The following CADM4 variants were observed in gnomAD, a reference collection of about 807,000 sequenced individuals.
CADM4 encodes the protein cell adhesion molecule 4.
Under a neutral mutation model 43.9 loss-of-function variants are expected in CADM4, and 13 were observed. The ratio of observed to expected loss-of-function variants is 0.30; its 90% confidence interval spans 0.19 to 0.47. The LOEUF (loss-of-function observed/expected upper bound fraction) is 0.47, where lower values mean the gene tolerates loss of function less well. Among genes scored for constraint, CADM4 ranks in the 20% least tolerant of loss-of-function variants. The probability of loss-of-function intolerance (pLI) is 1.00; values close to 1 mark genes in which losing one functional copy is unlikely to be tolerated. For synonymous variants in CADM4, 209 were observed against 220.9 expected (o/e 0.95, Z 0.48); for missense variants, 420 against 527.0 (o/e 0.80, Z 1.99).
In CADM4 at chr19:43,625,937, C is replaced by A; in HGVS notation, c.729G>T (p.Leu243Phe). The A allele has an allele frequency of 6.2e-7, 1 of 1,614,176 alleles. No homozygotes were observed. The highest frequency in any genetic ancestry group is 1.1e-5 in the South Asian group (1 of 91,072). The stretch of plus-strand genomic sequence containing the variant: ...TGGGGTTCCCCGTGACAGCACACGT[C>A]AACACCAGCGTGTCTCCCTCCCTCA... ...AVVREGDTLVLTCAVTGNPRP... is the reference protein window; with the variant it reads ...AVVREGDTLVFTCAVTGNPRP... Residue 243 changes from leucine to phenylalanine, a missense_variant, in exon 6 of 9, where the codon TTG (leucine) becomes TTT (phenylalanine). Coordinates refer to ENST00000222374, the MANE Select transcript of CADM4 (RefSeq NM_145296.2). The surrounding 1 kb of genome is among the most constrained non-coding windows in gnomAD (Gnocchi z 4.5).
chr19:43,627,381 C>A lies in CADM4; in HGVS notation c.212-63G>T. 2.0e-6 allele frequency: 3 copies of A among 1,501,638 alleles called. No individual in the cohort carries two copies. The highest frequency in any genetic ancestry group is 1.8e-4 in the Middle Eastern group (1 of 5,532). 93.0% of individuals were successfully genotyped at this position (1,501,638 alleles called of 1,614,324 possible). A position where few individuals can be genotyped will look rare whatever the true frequency, so the allele number is the denominator to read the frequency against. The stretch of plus-strand genomic sequence containing the variant: ...TCCTGGCCTCACAAGTCCCACCCTT[C>A]CGACAGGAGCTTAGAGTCCAGCCCT... On this transcript the variant is annotated intron_variant, in intron 2 of 8. Coordinates refer to ENST00000222374, the MANE Select transcript of CADM4 (RefSeq NM_145296.2). This position sits in a 1 kb window ranked among gnomAD's most constrained non-coding sequence, Gnocchi z 4.0.
At chr19:43,631,555 C>A (rs57817750) in intron 1 of CADM4, among the ~76,000 whole-genome samples, 1 of 152,078 alleles carries the variant, frequency 6.6e-6, no homozygotes, top group Non-Finnish European at 1.5e-5. Context: ...CTATGTCCAG[C>A]AGAAAAAGGC....
Position 43,625,037 on chromosome 19 carries a change from C to CG in CADM4, c.928+40dup. ...CTCAAGCCCCGCCCCCGCCACCTGG[C>CG]GCCCCGCCCCCGCCCTCAGTCGGCC... On this transcript the variant is annotated intron_variant, in intron 7 of 8. Coordinates refer to ENST00000222374, the MANE Select transcript of CADM4 (RefSeq NM_145296.2). This position sits in a 1 kb window ranked among gnomAD's most constrained non-coding sequence, Gnocchi z 4.5. The CG allele has an allele frequency of 8.5e-6, 6 of 702,654 alleles. No homozygotes were observed. Among genetic ancestry groups the CG allele is most frequent in the Non-Finnish European group, 1.2e-5 (6 of 499,564 alleles). 43.5% of individuals were successfully genotyped at this position (702,654 alleles called of 1,614,324 possible). A position where few individuals can be genotyped will look rare whatever the true frequency, so the allele number is the denominator to read the frequency against.
Position 43,625,137 on chromosome 19 carries a change from G to C in CADM4, c.869C>G (p.Thr290Ser). The change falls in exon 7 of 9, where the codon ACT (threonine) becomes AGT (serine). Residue 290 changes from threonine to serine, a missense_variant. Physicochemically the swap from Thr to Ser is moderately conservative, Grantham distance 58. Transcript: ENST00000222374. This position sits in a 1 kb window ranked among gnomAD's most constrained non-coding sequence, Gnocchi z 4.5. Reference protein sequence around the residue: ...GLVSADNGTYTCEASNKHGHA... With the variant: ...GLVSADNGTYSCEASNKHGHA... ...GCCGTGCTTATTGGACGCCTCGCAAGTGTAGGTGCCGTTATCCGCGGATAC... is the reference window on the plus strand; with the variant it reads ...GCCGTGCTTATTGGACGCCTCGCAACTGTAGGTGCCGTTATCCGCGGATAC... 6.2e-7 allele frequency: 1 copy of C among 1,613,756 alleles called. No individual in the cohort carries two copies. The highest frequency in any genetic ancestry group is 8.5e-7 in the Non-Finnish European group (1 of 1,179,836).
chr19:43,639,392 C>T (rs969554504), intron 1 of CADM4, among the ~76,000 whole-genome samples: 1 of 150,664 alleles, frequency 6.6e-6, no homozygotes, highest in South Asian at 2.1e-4. Flanking sequence ...GGTTCAGAGA[C>T]GGGCGGACAG....
At chr19:43,624,326 C>G (rs919078948) in intron 7 of CADM4, 84 bp from the exon 8 acceptor site, 36 of 1,570,290 alleles carry the variant, frequency 2.3e-5, no homozygotes, top group Admixed American at 1.5e-4. Context: ...TTAAGCCATT[C>G]TGCACACGTC....
At position 43,639,797 on chromosome 19, in the gene CADM4, G is replaced by A. The variant is rs1419863110; in HGVS notation, c.-7C>T. 2 of 997,052 alleles carry A rather than the reference G, an allele frequency of 2.0e-6. No homozygotes were observed. Among genetic ancestry groups the A allele is most frequent in the Admixed American group, 6.1e-5 (1 of 16,380 alleles). 61.8% of individuals were successfully genotyped at this position (997,052 alleles called of 1,614,324 possible). ...AGCGCCGGGCCCGGCCCATGGTGCC[G>A]CCGCCGCCGCCGCCGCCGCTCGCTC... On this transcript the variant is annotated 5_prime_UTR_variant, in exon 1 of 9. Coordinates refer to ENST00000222374, the MANE Select transcript of CADM4 (RefSeq NM_145296.2).
chr19:43,638,460 C>T (rs1325576222), intron 1 of CADM4, among the ~76,000 whole-genome samples: 1 of 152,260 alleles, frequency 6.6e-6, no homozygotes, highest in Non-Finnish European at 1.5e-5. Flanking sequence ...AACACCCAGC[C>T]CTCCTGCTTC....
rs1299438768 is a variant in CADM4 at position 43,639,713 on chromosome 19, GC to G, written c.64+13del. 1 of 993,634 alleles carries G rather than the reference GC, an allele frequency of 1.0e-6. No homozygotes were observed. The highest frequency in any genetic ancestry group is 1.2e-6 in the Non-Finnish European group (1 of 836,766). 61.6% of individuals were successfully genotyped at this position (993,634 alleles called of 1,614,324 possible). A position where few individuals can be genotyped will look rare whatever the true frequency, so the allele number is the denominator to read the frequency against. On this transcript the variant is annotated intron_variant, in intron 1 of 8. Coordinates refer to ENST00000222374, the MANE Select transcript of CADM4 (RefSeq NM_145296.2). ...GCCCCAGCCCGGCCGGCCGACCCCG[GC>G]CCCCGACCCTACCTGGCCCCGCCGC...
rs1440173054 is a variant in CADM4, at chr19:43,622,422, T to G, written c.*908A>C. ...GTGAGATTGCCAAACCCCCTCCCCATTCCCCTCCCCACCCCGTACAAAATG... is the reference window on the plus strand; with the variant it reads ...GTGAGATTGCCAAACCCCCTCCCCAGTCCCCTCCCCACCCCGTACAAAATG... On this transcript the variant is annotated 3_prime_UTR_variant, in exon 9 of 9. Transcript: ENST00000222374. The G allele has an allele frequency of 6.6e-6, 1 of 150,670 alleles. No homozygotes were observed. Among genetic ancestry groups the G allele is most frequent in the African/African-American group, 2.4e-5 (1 of 41,174 alleles). The allele number at this position is 150,670 out of a possible 1,614,324, so 9.3% of individuals were successfully genotyped here.
chr19:43,623,483 G>T lies in CADM4; in HGVS notation c.1058-44C>A. The T allele has an allele frequency of 8.1e-7, 1 of 1,235,530 alleles. No individual in the cohort carries two copies. Among genetic ancestry groups the T allele is most frequent in the Non-Finnish European group, 1.2e-6 (1 of 835,776 alleles). The allele number at this position is 1,235,530 out of a possible 1,614,324, so 76.5% of individuals were successfully genotyped here. A position where few individuals can be genotyped will look rare whatever the true frequency, so the allele number is the denominator to read the frequency against. ...CCCGGGGCAGGGGGGACATATTTGT[G>T]GATCCAGGAGTTGGACAGAAGTATA... is the stretch of plus-strand genomic sequence containing the variant. On this transcript the variant is annotated intron_variant, in intron 8 of 8. Coordinates refer to ENST00000222374, the MANE Select transcript of CADM4 (RefSeq NM_145296.2). The surrounding 1 kb of genome is among the most constrained non-coding windows in gnomAD (Gnocchi z 4.4).
At position 43,623,375 on chromosome 19, in the gene CADM4, G is replaced by C. The variant is rs1973470281; in HGVS notation, c.1122C>G (p.Leu374=). The part of the protein sequence containing the change: ...DEQGEAREAF[L]NGSDGHKRKE... Reference sequence around the variant, plus strand: ...TCCTCTTGTGTCCGTCGCTGCCATTGAGGAAGGCTTCTCTTGCTTCTCCCT... The same window carrying C: ...TCCTCTTGTGTCCGTCGCTGCCATTCAGGAAGGCTTCTCTTGCTTCTCCCT... Residue 374 remains leucine (L), a synonymous_variant, in exon 9 of 9, where the codon CTC becomes CTG. Coordinates refer to ENST00000222374, the MANE Select transcript of CADM4 (RefSeq NM_145296.2). This position sits in a 1 kb window ranked among gnomAD's most constrained non-coding sequence, Gnocchi z 4.4. 14 of 1,614,176 alleles carry C rather than the reference G, an allele frequency of 8.7e-6. No individual in the cohort carries two copies. Among genetic ancestry groups the C allele is most frequent in the Non-Finnish European group, 1.2e-5 (14 of 1,180,018 alleles).
intron 1 of CADM4, among the ~76,000 whole-genome samples, chr19:43,632,930 T>C (rs1973648048): frequency 6.6e-6 from 1 of 151,622 alleles, no homozygotes; most frequent in South Asian, 2.1e-4. Context: ...ACTAAAAAAA[T>C]ACAAAAATTA....
Position 43,627,069 on chromosome 19 carries a change from G to A in CADM4, c.364+97C>T, listed in dbSNP as rs1973540619. 6.7e-7 allele frequency: 1 copy of A among 1,491,922 alleles called. No homozygotes were observed. Among genetic ancestry groups the A allele is most frequent in the Admixed American group, 2.2e-5 (1 of 45,676 alleles). 92.4% of individuals were successfully genotyped at this position (1,491,922 alleles called of 1,614,324 possible). A position where few individuals can be genotyped will look rare whatever the true frequency, so the allele number is the denominator to read the frequency against. On this transcript the variant is annotated intron_variant, in intron 3 of 8. Transcript: ENST00000222374. This position sits in a 1 kb window ranked among gnomAD's most constrained non-coding sequence, Gnocchi z 4.0. ...AGGTCAGGAGCCAGATGCCCATCCAGGATGTTAAAAATAGCCATGGTCTGA... is the reference window on the plus strand; with the variant it reads ...AGGTCAGGAGCCAGATGCCCATCCAAGATGTTAAAAATAGCCATGGTCTGA...
intron 1 of CADM4, among the ~76,000 whole-genome samples, chr19:43,632,562 G>T (rs987452838): frequency 1.3e-5 from 2 of 151,914 alleles, no homozygotes; most frequent in African/African-American, 4.8e-5. Flanking sequence ...CTTCACTCTG[G>T]GCTCGCTAGC....
chr19:43,640,158 T>C (rs1179550908), upstream of CADM4, among the ~76,000 whole-genome samples: 2 of 143,052 alleles, frequency 1.4e-5, no homozygotes, highest in African/African-American at 5.3e-5. Flanking sequence ...GGGTGCGGAG[T>C]TGCTGGCATG....
At position 43,626,426 on chromosome 19, in the gene CADM4, G is replaced by T. The variant is rs962394826; in HGVS notation, c.500-138C>A. 3.0e-5 allele frequency: 32 copies of T among 1,074,632 alleles called. No individual in the cohort carries two copies. Among genetic ancestry groups the T allele is most frequent in the Non-Finnish European group, 4.3e-5 (32 of 751,648 alleles). 66.6% of individuals were successfully genotyped at this position (1,074,632 alleles called of 1,614,324 possible). On this transcript the variant is annotated intron_variant, in intron 4 of 8. Transcript: ENST00000222374. The surrounding 1 kb of genome is among the most constrained non-coding windows in gnomAD (Gnocchi z 5.9). ...CCCCGCCTCTTGTCCTCCAAGCTAC[G>T]CCCCTCCCCTAACCAAGCCCACGTG...
upstream of CADM4, chr19:43,639,981 G>C (rs1661533880): frequency 3.4e-6 from 1 of 291,580 alleles, no homozygotes; most frequent in Non-Finnish European, 5.1e-6. Context: ...GCACGGTGGG[G>C]GAACGGTGCG....
chr19:43,633,712 G>A (rs554135374), intron 1 of CADM4, among the ~76,000 whole-genome samples: 180 of 117,206 alleles, frequency 1.5e-3, no homozygotes, highest in Middle Eastern at 0.013. Flanking sequence ...ATAAGGTCTC[G>A]CTCTGTCACC....
Sources: gnomAD v4.1 joint callset for allele counts (sites outside exome capture counted in the v4.1 genomes callset) on GRCh38, gnomAD v4.1.1 for gene constraint, Gnocchi (gnomAD v3.1) non-coding constraint, MANE v1.5 for transcripts, NCBI Gene and HGNC (gene_info 2026-07-23, HGNC 2026-07-21) for gene names.